STAT5A: variants seen among roughly 807,000 people sequenced by gnomAD.
STAT5A encodes the protein signal transducer and activator of transcription 5A.
Under a neutral mutation model 100.2 loss-of-function variants are expected in STAT5A, and 26 were observed. The ratio of observed to expected loss-of-function variants is 0.26; its 90% CI spans 0.19 to 0.36. STAT5A has a LOEUF of 0.36. Ranked by LOEUF, STAT5A falls within the 10% of genes least tolerant of loss-of-function variation. The pLI is 1.00. For missense variants in STAT5A, 634 were observed against 1,027.5 expected, an observed-to-expected ratio of 0.62 and a Z score of 5.24; for synonymous variants, 330 against 424.3, an observed-to-expected ratio of 0.78 and a Z score of 2.73.
In STAT5A at chr17:42,311,073, A is replaced by C. The variant is rs116288652; in HGVS notation, c.*404A>C. 5.3e-4 allele frequency: 123 copies of C among 232,890 alleles called. No individual in the cohort carries two copies. Among genetic ancestry groups the C allele is most frequent in the African/African-American group, 2.6e-3 (120 of 45,854 alleles). 14.4% of individuals were successfully genotyped at this position (232,890 alleles called of 1,614,324 possible). ...AGCTGAAGTTTCACTCCGGAGTGAG[A>C]AGCTTTGCCCTCCTAAGAGAGAGAG... On this transcript the variant is annotated 3_prime_UTR_variant, in exon 19 of 19. Coordinates refer to ENST00000590949, the MANE Select transcript of STAT5A (RefSeq NM_001288718.2).
chr17:42,304,152 T>C lies in STAT5A; in HGVS notation c.1170-190T>C. 3.3e-6 allele frequency: 2 copies of C among 600,214 alleles called. No individual in the cohort carries two copies. Among genetic ancestry groups the C allele is most frequent in the South Asian group, 4.1e-5 (2 of 48,798 alleles). 37.2% of individuals were successfully genotyped at this position (600,214 alleles called of 1,614,324 possible). A position where few individuals can be genotyped will look rare whatever the true frequency, so the allele number is the denominator to read the frequency against. On this transcript the variant is annotated intron_variant, in intron 9 of 18. Coordinates refer to ENST00000590949, the MANE Select transcript of STAT5A (RefSeq NM_001288718.2). The surrounding 1 kb of genome is among the most constrained non-coding windows in gnomAD (Gnocchi z 4.8). ...AGACCTCACCACTGGAGACCTTGCC[T>C]TGGGTGCTGGGCACCAGGTTGATGG...
At chr17:42,309,119 G>T (rs762194165) in intron 17 of STAT5A, 21 bp downstream of exon 17, 1 of 1,613,678 alleles carries the variant, frequency 6.2e-7, no homozygotes, top group Non-Finnish European at 8.5e-7. Flanking sequence ...AGGTGGCTGT[G>T]GCTCTCCTTC....
Position 42,306,408 on chromosome 17 carries a change from C to G in STAT5A, c.1641C>G (p.Asp547Glu). 1 of 1,613,994 alleles carries G rather than the reference C, an allele frequency of 6.2e-7. No individual in the cohort carries two copies. Among genetic ancestry groups the G allele is most frequent in the Non-Finnish European group, 8.5e-7 (1 of 1,179,962 alleles). ...LFNNSSSHLEDYSGLSVSWSQ... is the reference protein window; with the variant it reads ...LFNNSSSHLEEYSGLSVSWSQ... Reference sequence around the variant, plus strand: ...ACAACAGCAGCAGCCACCTGGAGGACTACAGTGGCCTGTCCGTGTCCTGGT... The same window carrying G: ...ACAACAGCAGCAGCCACCTGGAGGAGTACAGTGGCCTGTCCGTGTCCTGGT... The change falls in exon 13 of 19, where the codon GAC (aspartate) becomes GAG (glutamate). Residue 547 changes from aspartate to glutamate, a missense_variant. Transcript: ENST00000590949.
Position 42,309,670 on chromosome 17 carries a change from G to T in STAT5A, c.2222+186G>T, listed in dbSNP as rs539745730. 6 of 541,468 alleles carry T rather than the reference G, an allele frequency of 1.1e-5. No homozygotes were observed. In the African/African-American group the frequency reaches 1.1e-4, roughly 10 times the overall value. The allele number at this position is 541,468 out of a possible 1,614,324, so 33.5% of individuals were successfully genotyped here. A position where few individuals can be genotyped will look rare whatever the true frequency, so the allele number is the denominator to read the frequency against. ...ATAGCAGGGTCAAGTCCTCACTCTA[G>T]TACTAACTGTGTGATCTTGGGAAAA... On this transcript the variant is annotated intron_variant, in intron 18 of 18. Transcript: ENST00000590949.
Position 42,300,790 on chromosome 17 carries a change from G to A in STAT5A, c.909G>A (p.Leu303=), listed in dbSNP as rs1192630680. The A allele has an allele frequency of 1.9e-6, 3 of 1,612,398 alleles. No homozygotes were observed. Among genetic ancestry groups the A allele is most frequent in the Non-Finnish European group, 2.5e-6 (3 of 1,179,340 alleles). ...IRRAEHLCQQ[L]PIPGPVEEML... is the part of the protein sequence containing the mutation. ...GGGCTGAGCACCTCTGCCAGCAGCTGCCCATCCCCGGCCCAGTGGAGGAGA... is the reference window on the plus strand; with the variant it reads ...GGGCTGAGCACCTCTGCCAGCAGCTACCCATCCCCGGCCCAGTGGAGGAGA... Residue 303 remains leucine (L), a synonymous_variant, in exon 8 of 19, where the codon CTG becomes CTA. Transcript: ENST00000590949.
At chr17:42,291,723 GAAAA>G (rs57592406) in intron 3 of STAT5A, among the ~76,000 whole-genome samples, 33 of 111,138 alleles carry the variant, frequency 3.0e-4, no homozygotes, top group Middle Eastern at 4.4e-3. Flanking sequence ...ATCTCAAAAA[GAAAA>G]AAAAAAAAAA....
At position 42,311,852 on chromosome 17, in the gene STAT5A, G is replaced by T. The variant is rs1371201838; in HGVS notation, c.*1183G>T. The T allele has an allele frequency of 1.3e-5, 2 of 152,822 alleles. No homozygotes were observed. Among genetic ancestry groups the T allele is most frequent in the African/African-American group, 4.8e-5 (2 of 41,472 alleles). 9.5% of individuals were successfully genotyped at this position (152,822 alleles called of 1,614,324 possible). On this transcript the variant is annotated 3_prime_UTR_variant, in exon 19 of 19. Coordinates refer to ENST00000590949, the MANE Select transcript of STAT5A (RefSeq NM_001288718.2). ...AAGGTTTAAACTTCTCTGAAGGGAG[G>T]TGGGGATGAGAAGAGGGGTTTTTTT...
At chr17:42,306,057 C>A in intron 12 of STAT5A, 184 bp from the exon 13 acceptor site, 1 of 1,042,418 alleles carries the variant, frequency 9.6e-7, no homozygotes, top group Non-Finnish European at 1.4e-6. Flanking sequence ...TTCTTCCCTG[C>A]AGGCTGGGAA....
At chr17:42,292,314 G>GT (rs894897165) in intron 4 of STAT5A, among the ~76,000 whole-genome samples, 81 of 150,736 alleles carry the variant, frequency 5.4e-4, no homozygotes, top group South Asian at 2.9e-3. Flanking sequence ...CTCTGTTCCT[G>GT]TTTTTTTTTC....
intron 12 of STAT5A, 33 bp downstream of exon 12, chr17:42,305,735 C>A (rs773683783): frequency 1.9e-6 from 3 of 1,609,300 alleles, no homozygotes; most frequent in Non-Finnish European, 2.5e-6. Flanking sequence ...CCCCAGCACC[C>A]CCAGGCCCTA....
At chr17:42,294,901 AT>A (rs11313930) in intron 4 of STAT5A, among the ~76,000 whole-genome samples, 48,735 of 142,860 alleles carry the variant, frequency 0.34, 8,754 homozygotes, top group African/African-American at 0.5. Context: ...CTCTCTCTCT[AT>A]TTTTTTTTTT....
At position 42,310,695 on chromosome 17, in the gene STAT5A, G is replaced by A; in HGVS notation, c.*26G>A. 3.1e-6 allele frequency: 5 copies of A among 1,613,680 alleles called. No individual in the cohort carries two copies. The highest frequency in any genetic ancestry group is 4.2e-6 in the Non-Finnish European group (5 of 1,179,756). On this transcript the variant is annotated 3_prime_UTR_variant, in exon 19 of 19. Coordinates refer to ENST00000590949, the MANE Select transcript of STAT5A (RefSeq NM_001288718.2). ...ATGTTTGAATCCCACGCTTCTCTTTGGAAACAATATGCAATGTGAAGCGGT... is the reference window on the plus strand; with the variant it reads ...ATGTTTGAATCCCACGCTTCTCTTTAGAAACAATATGCAATGTGAAGCGGT...
chr17:42,297,868 A>G (rs1383545878), intron 5 of STAT5A, among the ~76,000 whole-genome samples: 1 of 151,782 alleles, frequency 6.6e-6, no homozygotes, highest in Non-Finnish European at 1.5e-5. Context: ...TGTGCATCCC[A>G]TGGGTCAGGG....
At position 42,310,557 on chromosome 17, in the gene STAT5A, T is replaced by C; in HGVS notation, c.2273T>C (p.Met758Thr). The change falls in exon 19 of 19, where the codon ATG (methionine) becomes ACG (threonine). Residue 758 changes from methionine to threonine, a missense_variant. This residue lies in a region of STAT5A where 88 missense variants were observed against 95.1 expected (regional missense o/e 0.92). Coordinates refer to ENST00000590949, the MANE Select transcript of STAT5A (RefSeq NM_001288718.2). ...GGAGAATTCGACCTGGATGAGACCA[T>C]GGATGTGGCCAGGCACGTGGAGGAA... Reference protein sequence around the residue: ...QDGEFDLDETMDVARHVEELL... With the variant: ...QDGEFDLDETTDVARHVEELL... The C allele has an allele frequency of 1.2e-6, 2 of 1,614,220 alleles. No individual in the cohort carries two copies. Among genetic ancestry groups the C allele is most frequent in the Non-Finnish European group, 1.7e-6 (2 of 1,180,036 alleles).
chr17:42,307,705 G>A lies in STAT5A; in HGVS notation c.1888G>A (p.Ala630Thr). The A allele has an allele frequency of 1.2e-6, 2 of 1,614,012 alleles. No individual in the cohort carries two copies. The highest frequency in any genetic ancestry group is 1.7e-6 in the Non-Finnish European group (2 of 1,179,962). Residue 630 changes from alanine (A) to threonine (T), a missense_variant, in exon 15 of 19, where the codon GCC becomes ACC. Transcript: ENST00000590949. ...SDSEIGGITI[A>T]WKFDSPERNL... is the part of the protein sequence containing the mutation. The stretch of plus-strand genomic sequence containing the variant: ...CTCAGAAATCGGGGGCATCACCATC[G>A]CCTGGAAGTTTGACTCCCGTGAGTG...
rs115954529 is a variant in STAT5A at position 42,292,215 on chromosome 17, G to A, written c.375+154G>A. ...AGTGTAAGAGGTGGCAGCATTGCAC[G>A]CCGGGGTGGAGTGACCCCCTGGATC... On this transcript the variant is annotated intron_variant, in intron 4 of 18. Coordinates refer to ENST00000590949, the MANE Select transcript of STAT5A (RefSeq NM_001288718.2). Among the ~76,000 whole-genome samples the A allele has an allele frequency of 3.5e-3, 526 of 152,300 alleles. 3 individuals carry two copies. The highest frequency in any genetic ancestry group is 0.012 in the African/African-American group (504 of 41,562).
chr17:42,291,343 A>G (rs563902416), intron 3 of STAT5A, among the ~76,000 whole-genome samples: 50 of 152,240 alleles, frequency 3.3e-4, no homozygotes, highest in African/African-American at 1.2e-3. Flanking sequence ...CCAGTTCCTA[A>G]CAGACCACCG....
chr17:42,305,200 G>A (rs954752452), intron 11 of STAT5A, among the ~76,000 whole-genome samples: 3 of 151,960 alleles, frequency 2.0e-5, no homozygotes, highest in Non-Finnish European at 2.9e-5. Context: ...ACCCTGTCTC[G>A]AAGAAAATAA....
At chr17:42,307,306 G>T in intron 13 of STAT5A, 96 bp from the exon 14 acceptor site, 2 of 1,238,346 alleles carry the variant, frequency 1.6e-6, no homozygotes, top group East Asian at 2.5e-5. Context: ...GTGAAGAACT[G>T]GGAGAAGACT....
Sources: gnomAD v4.1 joint callset for allele counts (sites outside exome capture counted in the v4.1 genomes callset) on GRCh38, gnomAD v4.1.1 for gene constraint, gnomAD v4.1.1 regional missense constraint, Gnocchi (gnomAD v3.1) non-coding constraint, MANE v1.5 for transcripts, NCBI Gene and HGNC (gene_info 2026-07-23, HGNC 2026-07-21) for gene names.